The following HIP1 variants were observed in gnomAD, a reference collection of about 807,000 sequenced individuals.
HIP1 encodes huntingtin-interacting protein 1.
HIP1 carries 65 observed loss-of-function variants against 147.6 expected under a neutral mutation model. That is an observed-to-expected ratio of 0.44 (90% CI 0.36 to 0.54). HIP1 has a LOEUF of 0.54. HIP1 is among the 20% of genes least tolerant of loss of function. HIP1 has a pLI of 0.00. For missense variants in HIP1, 1,061 were observed against 1,299.6 expected (o/e 0.82, Z 2.82); for synonymous variants, 479 against 504.0 (o/e 0.95, Z 0.67).
chr7:75,624,149 G>A (rs1179650900), intron 1 of HIP1, among the ~76,000 whole-genome samples: 1 of 152,198 alleles, frequency 6.6e-6, no homozygotes, highest in African/African-American at 2.4e-5. Context: ...AAAAGAGATG[G>A]AGTGAGCGGT....
At chr7:75,602,302 G>A (rs1274403187) in intron 1 of HIP1, among the ~76,000 whole-genome samples, 1 of 110,648 alleles carries the variant, frequency 9.0e-6, no homozygotes, top group Non-Finnish European at 1.8e-5. Flanking sequence ...CACCTGGCCA[G>A]CTTTTTTTTT....
At chr7:75,718,995 A>G (rs1375728317) in intron 1 of HIP1, among the ~76,000 whole-genome samples, 2 of 151,960 alleles carry the variant, frequency 1.3e-5, no homozygotes, top group African/African-American at 4.8e-5. Flanking sequence ...CTTTTCCAAC[A>G]TCTGTGCCAA....
At chr7:75,622,485 G>A (rs1797875951) in intron 1 of HIP1, among the ~76,000 whole-genome samples, 1 of 151,798 alleles carries the variant, frequency 6.6e-6, no homozygotes, top group Admixed American at 6.6e-5. Flanking sequence ...AGGATTGCTT[G>A]AGCCCAGGAG....
In HIP1 at chr7:75,615,760, C is replaced by T. The variant is rs139756778; in HGVS notation, c.121-16513G>A. 4.9e-4 allele frequency among the ~76,000 whole-genome samples: 74 copies of T among 150,752 alleles called. 2 individuals carry two copies. The East Asian group carries it at 0.012, about 25-fold the overall frequency. ...CTACACTCCAGCCTGGGTGACACAG[C>T]GAGACTCTGTCTCAAAAAACAAAAA... is the stretch of plus-strand genomic sequence containing the variant. On this transcript the variant is annotated intron_variant, in intron 1 of 30. Transcript: ENST00000336926.
intron 5 of HIP1, among the ~76,000 whole-genome samples, chr7:75,584,091 G>T (rs1345730026): frequency 3.3e-5 from 5 of 151,544 alleles, no homozygotes; most frequent in Non-Finnish European, 7.4e-5. Context: ...CTCCTGAGTA[G>T]CTGGGATTAA....
intron 1 of HIP1, among the ~76,000 whole-genome samples, chr7:75,672,227 G>A (rs184465120): frequency 6.6e-6 from 1 of 151,414 alleles, no homozygotes; most frequent in East Asian, 1.9e-4. Flanking sequence ...TTGTTATTGA[G>A]TTTTAGGAAT....
intron 1 of HIP1, among the ~76,000 whole-genome samples, chr7:75,727,285 G>A (rs559891351): frequency 5.8e-4 from 88 of 151,532 alleles, no homozygotes; most frequent in Non-Finnish European, 1.0e-3. Flanking sequence ...TTGTACAGGC[G>A]GGTTTTCACC....
At chr7:75,603,006 CAAG>C (rs1797065297) in intron 1 of HIP1, among the ~76,000 whole-genome samples, 1 of 151,852 alleles carries the variant, frequency 6.6e-6, no homozygotes, top group African/African-American at 2.4e-5. Flanking sequence ...GATGAGTCTA[CAAG>C]CCAAGGAATG....
chr7:75,548,852 A>G, intron 23 of HIP1, 39 bp downstream of exon 23: 1 of 1,424,800 alleles, frequency 7.0e-7, no homozygotes, highest in South Asian at 1.1e-5. Context: ...GGGCAGCTGC[A>G]AAGGCATCGT....
rs587608135 is a variant in HIP1 at position 75,557,584 on chromosome 7, G to T, written c.1581+70C>A. On this transcript the variant is annotated intron_variant, in intron 16 of 30. Coordinates refer to ENST00000336926, the MANE Select transcript of HIP1 (RefSeq NM_005338.7). ...CACAGAACTGCCCATGGAGCAGAAG[G>T]CCACAAAGCCCCCGCCACCAACTCA... 1.5e-4 allele frequency: 164 copies of T among 1,121,464 alleles called. No homozygotes were observed. In the African/African-American group the frequency reaches 2.2e-3, roughly 15 times the overall value. 69.5% of individuals were successfully genotyped at this position (1,121,464 alleles called of 1,614,324 possible). A position where few individuals can be genotyped will look rare whatever the true frequency, so the allele number is the denominator to read the frequency against.
At chr7:75,699,760 C>T (rs1322325175) in intron 1 of HIP1, among the ~76,000 whole-genome samples, 1 of 152,214 alleles carries the variant, frequency 6.6e-6, no homozygotes, top group Non-Finnish European at 1.5e-5. Context: ...GTTCCTCCTT[C>T]ATCTGGCTCC....
chr7:75,548,159 G>C (rs1794643660), intron 23 of HIP1, among the ~76,000 whole-genome samples: 1 of 152,134 alleles, frequency 6.6e-6, no homozygotes, highest in Non-Finnish European at 1.5e-5. Context: ...CTTCTGAGTG[G>C]CTGGGATTAC....
chr7:75,607,596 G>A (rs1341403049), intron 1 of HIP1, among the ~76,000 whole-genome samples: 1 of 151,410 alleles, frequency 6.6e-6, no homozygotes, highest in Non-Finnish European at 1.5e-5. Context: ...AGGTACTTGG[G>A]AGGCTGAGAT....
chr7:75,690,652 C>T (rs782549020), intron 1 of HIP1, among the ~76,000 whole-genome samples: 4 of 151,970 alleles, frequency 2.6e-5, no homozygotes, highest in Non-Finnish European at 5.9e-5. Flanking sequence ...CACCTGAGGT[C>T]AGGAGTTGGA....
intron 7 of HIP1, among the ~76,000 whole-genome samples, chr7:75,576,103 C>T (rs1203574348): frequency 2.0e-5 from 3 of 152,136 alleles, no homozygotes; most frequent in Admixed American, 2.0e-4. Context: ...CCAGGAATGC[C>T]CTTTGGCATC....
At chr7:75,628,572 G>A (rs1390031068) in intron 1 of HIP1, among the ~76,000 whole-genome samples, 4 of 148,014 alleles carry the variant, frequency 2.7e-5, no homozygotes, top group African/African-American at 1.0e-4. Context: ...TCTGCCTCCC[G>A]GGTTCAAGTG....
intron 1 of HIP1, among the ~76,000 whole-genome samples, chr7:75,682,189 C>T (rs1800107612): frequency 4.6e-5 from 5 of 109,164 alleles, no homozygotes; most frequent in South Asian, 5.9e-4. Flanking sequence ...GAACTCTTGA[C>T]CTCATGATCC....
Position 75,596,222 on chromosome 7 carries a change from C to T in HIP1, c.184+2962G>A, listed in dbSNP as rs1191347464. On this transcript the variant is annotated intron_variant, in intron 2 of 30. Coordinates refer to ENST00000336926, the MANE Select transcript of HIP1 (RefSeq NM_005338.7). ...CTGCACTCCAGCCTGGGTGACAGTG[C>T]ATGACCCTGCCTCAAAAAAAAAAAA... Among the ~76,000 whole-genome samples, 5 of 115,382 alleles carry T rather than the reference C, an allele frequency of 4.3e-5. No individual in the cohort carries two copies. The Admixed American group carries it at 4.6e-4, about 11-fold the overall frequency. The allele number at this position is 115,382 out of a possible 152,430, so 75.7% of individuals were successfully genotyped here. A position where few individuals can be genotyped will look rare whatever the true frequency, so the allele number is the denominator to read the frequency against.
At position 75,584,728 on chromosome 7, in the gene HIP1, C is replaced by CA. The variant is rs1796189486; in HGVS notation, c.465+2024dup. ...CCCGCAGCCCCACTGCCCCAGCTCC[C>CA]ATCCCAGTCCTCTTCCTCCTTAACC... is the stretch of plus-strand genomic sequence containing the variant. On this transcript the variant is annotated intron_variant, in intron 5 of 30. Coordinates refer to ENST00000336926, the MANE Select transcript of HIP1 (RefSeq NM_005338.7). Among the ~76,000 whole-genome samples, 3 of 152,270 alleles carry CA rather than the reference C, an allele frequency of 2.0e-5. 1 individual carries two copies. The highest frequency in any genetic ancestry group is 7.2e-5 in the African/African-American group (3 of 41,546).
Sources: gnomAD v4.1 joint callset for allele counts (sites outside exome capture counted in the v4.1 genomes callset) on GRCh38, gnomAD v4.1.1 for gene constraint, MANE v1.5 for transcripts, NCBI Gene and HGNC (gene_info 2026-07-23, HGNC 2026-07-21) for gene names.